The following ERC2 variants were observed in gnomAD, a reference collection of about 807,000 sequenced individuals.
ERC2 encodes the protein ERC protein 2.
In ERC2, 42 loss-of-function variants were observed where a neutral mutation model predicts 114.8. That is an observed-to-expected ratio of 0.37 (90% CI 0.29 to 0.47). The LOEUF is 0.47. ERC2 is among the 20% of genes least tolerant of loss of function. ERC2 has a pLI of 0.99. For synonymous variants in ERC2, 454 were observed against 425.5 expected, an observed-to-expected ratio of 1.07 and a Z score of -0.82; for missense variants, 939 against 1,150.7, an observed-to-expected ratio of 0.82 and a Z score of 2.66.
intron 6 of ERC2, among the ~76,000 whole-genome samples, chr3:56,130,337 A>AT (rs2080128540): frequency 6.6e-6 from 1 of 152,156 alleles, no homozygotes; most frequent in African/African-American, 2.4e-5. Context: ...TTCAGGACGA[A>AT]TTCATGTACA....
intron 14 of ERC2, among the ~76,000 whole-genome samples, chr3:55,804,242 T>G (rs747178744): frequency 6.6e-5 from 10 of 152,318 alleles, no homozygotes; most frequent in South Asian, 2.1e-4. Flanking sequence ...GTTCATTTTG[T>G]ATCCAAGTTA....
intron 12 of ERC2, among the ~76,000 whole-genome samples, chr3:55,958,115 A>T (rs1308403155): frequency 5.3e-5 from 8 of 152,236 alleles, no homozygotes; most frequent in Non-Finnish European, 8.8e-5. Context: ...ACTGAGTGAC[A>T]GAACGGCTCT....
intron 3 of ERC2, among the ~76,000 whole-genome samples, chr3:56,239,555 T>G (rs1232432291): frequency 6.6e-6 from 1 of 152,062 alleles, no homozygotes; most frequent in Non-Finnish European, 1.5e-5. Flanking sequence ...ACGAAAGCCA[T>G]GCTAAAAGCA....
chr3:55,616,989 C>G (rs2059147252), intron 17 of ERC2, among the ~76,000 whole-genome samples: 1 of 152,126 alleles, frequency 6.6e-6, no homozygotes, highest in African/African-American at 2.4e-5. Context: ...TATCTTCATC[C>G]CAGGGAGGCA....
chr3:56,203,900 G>A (rs1234280062), intron 3 of ERC2, among the ~76,000 whole-genome samples: 1 of 152,202 alleles, frequency 6.6e-6, no homozygotes, highest in African/African-American at 2.4e-5. Flanking sequence ...AAAACTAACA[G>A]GCCGGGCCTG....
chr3:55,804,175 T>C (rs1430635886), intron 14 of ERC2, among the ~76,000 whole-genome samples: 2 of 152,182 alleles, frequency 1.3e-5, no homozygotes, highest in African/African-American at 2.4e-5. Context: ...TCACCAACAA[T>C]AATAATCGAA....
intron 3 of ERC2, among the ~76,000 whole-genome samples, chr3:56,212,723 T>A (rs1011182128): frequency 1.3e-5 from 2 of 151,758 alleles, no homozygotes; most frequent in African/African-American, 4.8e-5. Context: ...AATCAACAAG[T>A]GGATACAGAA....
chr3:56,080,789 A>G, intron 7 of ERC2, 28 bp downstream of exon 7: 2 of 1,603,418 alleles, frequency 1.2e-6, no homozygotes, highest in Non-Finnish European at 8.5e-7. Context: ...ATGATACCCC[A>G]CTTGAAGGTC....
At chr3:56,439,813 A>G (rs2062205310) in intron 1 of ERC2, among the ~76,000 whole-genome samples, 1 of 152,036 alleles carries the variant, frequency 6.6e-6, no homozygotes, top group African/African-American at 2.4e-5. Context: ...ATGAATGCAT[A>G]TAAGATTATA....
intron 17 of ERC2, among the ~76,000 whole-genome samples, chr3:55,608,536 C>T (rs191911944): frequency 6.6e-6 from 1 of 152,142 alleles, no homozygotes; most frequent in African/African-American, 2.4e-5. Flanking sequence ...TATGATGCCG[C>T]GATCAGCCCC....
At chr3:56,000,875 G>A (rs1272403686) in intron 10 of ERC2, among the ~76,000 whole-genome samples, 14 of 148,832 alleles carry the variant, frequency 9.4e-5, no homozygotes, top group African/African-American at 2.5e-4. Flanking sequence ...GCAACAGAGC[G>A]AGACTTCGTC....
chr3:56,465,838 T>C (rs1391636782), intron 1 of ERC2, among the ~76,000 whole-genome samples: 1 of 152,274 alleles, frequency 6.6e-6, no homozygotes, highest in African/African-American at 2.4e-5. Flanking sequence ...AACAGGCTGA[T>C]AAAAGGACTG....
intron 8 of ERC2, among the ~76,000 whole-genome samples, chr3:56,013,690 T>C (rs145281660): frequency 1.3e-3 from 193 of 152,292 alleles, no homozygotes; most frequent in African/African-American, 4.3e-3. Context: ...TTCACCTCAT[T>C]GAGCCCATTT....
At position 55,888,114 on chromosome 3, in the gene ERC2, G is replaced by A. The variant is rs187108051; in HGVS notation, c.2564+275C>T. Among the ~76,000 whole-genome samples the A allele has an allele frequency of 5.3e-3, 804 of 152,284 alleles. 9 individuals are homozygous for A. Among genetic ancestry groups the A allele is most frequent in the African/African-American group, 0.018 (768 of 41,546 alleles). ...TTGGCTGGCTCAGACCTTTCCAACAGATCTATGAATCCCAGCACCATCCAC... is the reference window on the plus strand; with the variant it reads ...TTGGCTGGCTCAGACCTTTCCAACAAATCTATGAATCCCAGCACCATCCAC... On this transcript the variant is annotated intron_variant, in intron 14 of 17. Transcript: ENST00000288221.
intron 3 of ERC2, among the ~76,000 whole-genome samples, chr3:56,201,488 T>C (rs2048403035): frequency 6.6e-6 from 1 of 152,228 alleles, no homozygotes. Context: ...TGTCTTTTCC[T>C]TTCTAAGGAA....
intron 17 of ERC2, among the ~76,000 whole-genome samples, chr3:55,667,750 A>C (rs1286239127): frequency 6.6e-6 from 1 of 152,234 alleles, no homozygotes; most frequent in Non-Finnish European, 1.5e-5. Flanking sequence ...TATTAGTTAC[A>C]TGTTAAAGAG....
intron 17 of ERC2, among the ~76,000 whole-genome samples, chr3:55,550,781 C>T (rs1424637485): frequency 2.0e-5 from 3 of 152,138 alleles, no homozygotes; most frequent in Non-Finnish European, 2.9e-5. Context: ...CTTTGGGAGG[C>T]CAAGGCGGGC....
intron 4 of ERC2, 44 bp downstream of exon 4, chr3:56,173,402 C>T: frequency 6.3e-7 from 1 of 1,576,374 alleles, no homozygotes; most frequent in Non-Finnish European, 8.7e-7. Flanking sequence ...TTAGAACAAA[C>T]TCCCAAGGCA....
intron 13 of ERC2, among the ~76,000 whole-genome samples, chr3:55,892,305 C>A (rs1196774648): frequency 6.6e-6 from 1 of 152,028 alleles, no homozygotes; most frequent in African/African-American, 2.4e-5. Context: ...AAATGGTGAC[C>A]CCAGGAGTTT....
Sources: gnomAD v4.1 joint callset for allele counts (sites outside exome capture counted in the v4.1 genomes callset) on GRCh38, gnomAD v4.1.1 for gene constraint, MANE v1.5 for transcripts, NCBI Gene and HGNC (gene_info 2026-07-23, HGNC 2026-07-21) for gene names.